UBXN11: variants seen among roughly 807,000 people sequenced by gnomAD.
UBXN11 encodes the protein UBX domain protein 11.
UBXN11 carries 47 observed loss-of-function variants against 62.8 expected under a neutral mutation model. The ratio of observed to expected loss-of-function variants is 0.75; its 90% CI spans 0.59 to 0.95. The LOEUF is 0.95. UBXN11 is among the 40% of genes least tolerant of loss of function. The pLI is 0.00. For synonymous variants in UBXN11, 294 were observed against 267.0 expected (o/e 1.10, Z -0.99); for missense variants, 638 against 661.7 (o/e 0.96, Z 0.39).
At chr1:26,309,985 CTCTG>C (rs1466998573), upstream of UBXN11, among the ~76,000 whole-genome samples, 1 of 152,160 alleles carries the variant, frequency 6.6e-6, no homozygotes, top group Non-Finnish European at 1.5e-5. Context: ...TAGAGACAGA[CTCTG>C]TCTATGTTGC....
At chr1:26,316,199 G>T (rs2073793160) in intron 1 of UBXN11, among the ~76,000 whole-genome samples, 1 of 136,396 alleles carries the variant, frequency 7.3e-6, no homozygotes, top group East Asian at 2.1e-4. Context: ...AAACTCCTGT[G>T]CTCAAGTTAT....
chr1:26,300,643 C>T (rs2124665909), intron 4 of UBXN11, among the ~76,000 whole-genome samples: 2 of 152,374 alleles, frequency 1.3e-5, no homozygotes, highest in African/African-American at 2.4e-5. Context: ...GACTTCATCC[C>T]TCTCTGACCC....
At chr1:26,285,166 T>G (rs2073097924) in intron 10 of UBXN11, 1 of 1,186,576 alleles carries the variant, frequency 8.4e-7, no homozygotes, top group Non-Finnish European at 1.1e-6. Flanking sequence ...CCGGGCCACT[T>G]CTGCAGGGAC....
intron 1 of UBXN11, 199 bp downstream of exon 1, chr1:26,306,393 A>G (rs2073669107): frequency 6.6e-6 from 1 of 152,196 alleles, no homozygotes; most frequent in Non-Finnish European, 1.5e-5. Flanking sequence ...TGCCCCCAGG[A>G]CGCGCTCAGG....
intron 8 of UBXN11, among the ~76,000 whole-genome samples, chr1:26,286,683 G>A (rs1235275542): frequency 6.6e-6 from 1 of 152,150 alleles, no homozygotes; most frequent in African/African-American, 2.4e-5. Context: ...CCAACCCTGA[G>A]GCTTAAGGCA....
chr1:26,297,290 G>C, intron 6 of UBXN11, 137 bp downstream of exon 6: 1 of 1,063,578 alleles, frequency 9.4e-7, no homozygotes, highest in Non-Finnish European at 1.3e-6. Flanking sequence ...CCCTCTGTGG[G>C]CTCAGCTGTC....
chr1:26,285,949 G>T lies in UBXN11; in HGVS notation c.648C>A (p.Thr216=), dbSNP rs758811878. Residue 216 remains threonine, a synonymous_variant, in exon 9 of 15, where the codon ACC becomes ACA. Transcript: ENST00000374222. Reference sequence around the variant, plus strand: ...CCCCGCCGGGCACTGGTGTCACTTGGGTGTCACCCTCTACCACCAGCTCAC... The same window carrying T: ...CCCCGCCGGGCACTGGTGTCACTTGTGTGTCACCCTCTACCACCAGCTCAC... The part of the protein sequence containing the change: ...DLSELVVEGD[T]QVTPVPGGAR... 3 of 1,612,316 alleles carry T rather than the reference G, an allele frequency of 1.9e-6. No homozygotes were observed. The highest frequency in any genetic ancestry group is 2.2e-5 in the South Asian group (2 of 91,032).
chr1:26,282,456 A>T lies in UBXN11; in HGVS notation c.1406T>A (p.Leu469Gln). The change falls in exon 15 of 15, where the codon CTG becomes CAG. Residue 469 changes from leucine (L) to glutamine (Q), a missense_variant. Physicochemically the swap from Leu to Gln is moderately radical, Grantham distance 113 (BLOSUM62 -2). Transcript: ENST00000374222. ...GGACTTCGGGGCTCGGCGTGCCCGC[A>T]GCAGCAGTGCTGCTTTGGGCACAAG... ...AGLVPKAALL[L>Q]RARRAPKSSL... 6.2e-7 allele frequency: 1 copy of T among 1,604,858 alleles called. No individual in the cohort carries two copies. Among genetic ancestry groups the T allele is most frequent in the Non-Finnish European group, 8.5e-7 (1 of 1,178,518 alleles).
At chr1:26,300,038 T>C (rs989962509) in intron 4 of UBXN11, among the ~76,000 whole-genome samples, 1 of 152,192 alleles carries the variant, frequency 6.6e-6, no homozygotes, top group Non-Finnish European at 1.5e-5. Context: ...AGCCAGGGTA[T>C]AGGAGATCTT....
Position 26,285,390 on chromosome 1 carries a change from G to A in UBXN11, c.852+74C>T, listed in dbSNP as rs776353733. 9 of 1,567,308 alleles carry A rather than the reference G, an allele frequency of 5.7e-6. No individual in the cohort carries two copies. The African/African-American group carries it at 1.2e-4, about 21-fold the overall frequency. ...GCAGCGGCTTCCCCTCAGAATGGGA[G>A]GTGTCTGGGGAGGCTGTGTATCCCC... On this transcript the variant is annotated intron_variant, in intron 10 of 14. Transcript: ENST00000374222.
chr1:26,297,846 G>T, intron 5 of UBXN11, 116 bp downstream of exon 5: 1 of 1,171,572 alleles, frequency 8.5e-7, no homozygotes, highest in Non-Finnish European at 1.2e-6. Flanking sequence ...GAACTGGGCA[G>T]GTCAGTGTGG....
At chr1:26,286,368 A>G (rs1206133610) in intron 8 of UBXN11, among the ~76,000 whole-genome samples, 1 of 152,248 alleles carries the variant, frequency 6.6e-6, no homozygotes, top group Non-Finnish European at 1.5e-5. Context: ...CAGCAGAAGC[A>G]GGATCTGATC....
At chr1:26,311,329 A>T (rs980391081), upstream of UBXN11, among the ~76,000 whole-genome samples, 1 of 150,536 alleles carries the variant, frequency 6.6e-6, no homozygotes, top group African/African-American at 2.5e-5. Context: ...TTTAGTAAAG[A>T]CAGGGTTTCA....
At chr1:26,289,602 C>T (rs969028590) in intron 8 of UBXN11, among the ~76,000 whole-genome samples, 1 of 152,182 alleles carries the variant, frequency 6.6e-6, no homozygotes, top group African/African-American at 2.4e-5. Flanking sequence ...CTGCTAGGCC[C>T]TGCCCATCAT....
At chr1:26,302,701 TG>T in intron 2 of UBXN11, 111 bp downstream of exon 2, 1 of 1,167,904 alleles carries the variant, frequency 8.6e-7, no homozygotes, top group Non-Finnish European at 1.2e-6. Flanking sequence ...GAAGGCTATG[TG>T]GCCCTTCTTT....
chr1:26,283,151 G>A (rs956277343), intron 12 of UBXN11, among the ~76,000 whole-genome samples: 10 of 152,202 alleles, frequency 6.6e-5, no homozygotes, highest in East Asian at 3.9e-4. Context: ...GTAACCCCCC[G>A]TTTCAGTCTA....
chr1:26,294,106 C>T (rs887955202), intron 8 of UBXN11, 99 bp downstream of exon 8: 25 of 1,524,782 alleles, frequency 1.6e-5, no homozygotes, highest in Non-Finnish European at 2.0e-5. Context: ...GTCAGGGACC[C>T]GGGCACGAAT....
At chr1:26,311,281 G>A (rs1021816347), upstream of UBXN11, among the ~76,000 whole-genome samples, 1 of 151,412 alleles carries the variant, frequency 6.6e-6, no homozygotes, top group African/African-American at 2.4e-5. Flanking sequence ...TGCGATTACA[G>A]GTGCCCACCA....
intron 10 of UBXN11, chr1:26,285,199 A>T (rs2073098456): frequency 7.9e-7 from 1 of 1,258,436 alleles, no homozygotes; most frequent in Non-Finnish European, 1.0e-6. Context: ...AGGTGTCCTG[A>T]AAGCTGGGGA....
Sources: allele counts gnomAD v4.1 joint callset (sites outside exome capture counted in the v4.1 genomes callset), GRCh38; gene constraint gnomAD v4.1.1; transcripts MANE v1.5; gene names NCBI Gene and HGNC (gene_info 2026-07-23, HGNC 2026-07-21).